The following MNAT1 variants were observed in gnomAD, a reference collection of about 807,000 sequenced individuals.
MNAT1 encodes MNAT1 component of CDK activating kinase, also known as CDK-activating kinase assembly factor MAT1.
MNAT1 carries 43 observed loss-of-function variants against 42.0 expected under a neutral mutation model. The observed-to-expected ratio is 1.02, with a 90% CI of 0.80 to 1.32. The LOEUF is 1.32. MNAT1 is among the 40% of genes most tolerant of loss of function. The pLI, the probability that MNAT1 is intolerant of heterozygous loss-of-function variation, is 0.00. For missense variants in MNAT1, 306 were observed against 350.4 expected, an observed-to-expected ratio of 0.87 and a Z score of 1.01; for synonymous variants, 118 against 120.0, an observed-to-expected ratio of 0.98 and a Z score of 0.11.
intron 1 of MNAT1, among the ~76,000 whole-genome samples, chr14:60,786,839 A>C (rs1186663695): frequency 6.6e-6 from 1 of 152,226 alleles, no homozygotes; most frequent in Non-Finnish European, 1.5e-5. Context: ...AGGGATAAGC[A>C]TTTTAATAAT....
intron 1 of MNAT1, among the ~76,000 whole-genome samples, chr14:60,759,714 C>T (rs972828221): frequency 6.6e-6 from 1 of 152,138 alleles, no homozygotes; most frequent in Admixed American, 6.5e-5. Context: ...CTATTTATTG[C>T]AGGTATACTG....
intron 3 of MNAT1, among the ~76,000 whole-genome samples, chr14:60,801,797 C>T (rs2032209682): frequency 6.6e-6 from 1 of 152,070 alleles, no homozygotes; most frequent in Non-Finnish European, 1.5e-5. Context: ...ACAGAACTAC[C>T]ATATGATCCA....
At chr14:60,890,141 C>G (rs1464685563) in intron 7 of MNAT1, among the ~76,000 whole-genome samples, 2 of 152,172 alleles carry the variant, frequency 1.3e-5, no homozygotes, top group Admixed American at 6.5e-5. Context: ...GCTATAAAGA[C>G]ACATGCACAC....
chr14:60,924,397 A>C (rs1458864514), intron 7 of MNAT1, among the ~76,000 whole-genome samples: 2 of 151,770 alleles, frequency 1.3e-5, no homozygotes, highest in South Asian at 2.1e-4. Context: ...AAAAAAAAAA[A>C]AAAAACTGTA....
chr14:60,790,415 A>T (rs1178646795), intron 1 of MNAT1, among the ~76,000 whole-genome samples: 2 of 152,114 alleles, frequency 1.3e-5, no homozygotes, highest in Non-Finnish European at 2.9e-5. Context: ...ACTGAGCCAG[A>T]CTAAATTGTG....
At chr14:60,746,779 G>A (rs1472312076) in intron 1 of MNAT1, among the ~76,000 whole-genome samples, 4 of 148,772 alleles carry the variant, frequency 2.7e-5, no homozygotes, top group African/African-American at 4.9e-5. Context: ...CTTACTGAGC[G>A]TAACTTATAG....
At chr14:60,869,100 A>G (rs1385444829) in intron 6 of MNAT1, among the ~76,000 whole-genome samples, 1 of 142,202 alleles carries the variant, frequency 7.0e-6, no homozygotes, top group Non-Finnish European at 1.5e-5. Context: ...GTGCAGTGGC[A>G]TGATCTCGGC....
rs2034304433 is a variant in MNAT1, at chr14:60,870,481, TCAGGAA to T, written c.688-9232_688-9227del. Among the ~76,000 whole-genome samples, 5 of 152,246 alleles carry T rather than the reference TCAGGAA, an allele frequency of 3.3e-5. 1 individual carries two copies. In the South Asian group the frequency reaches 1.0e-3, roughly 32 times the overall value. ...TAGTTTTGTGCCGTACTTTTCAAAG[TCAGGAA>T]AATGTACCTGAATTACTTAATGGTA... is the stretch of plus-strand genomic sequence containing the variant. On this transcript the variant is annotated intron_variant, in intron 6 of 7. Transcript: ENST00000261245.
intron 6 of MNAT1, among the ~76,000 whole-genome samples, chr14:60,826,307 ATTTT>A (rs60838198): frequency 5.8e-5 from 7 of 119,780 alleles, no homozygotes; most frequent in Admixed American, 9.0e-5. Flanking sequence ...AATAGGAGAA[ATTTT>A]TTTTTTTTTT....
intron 7 of MNAT1, among the ~76,000 whole-genome samples, chr14:60,896,428 C>T (rs1265583172): frequency 1.3e-5 from 2 of 152,126 alleles, no homozygotes; most frequent in Non-Finnish European, 2.9e-5. Flanking sequence ...TGATACAAAT[C>T]ATGAGCATTT....
At chr14:60,780,312 A>G in intron 1 of MNAT1, 2 of 1,537,548 alleles carry the variant, frequency 1.3e-6, no homozygotes. Flanking sequence ...ACTGCAAAAG[A>G]TGACAGTGCA....
intron 3 of MNAT1, among the ~76,000 whole-genome samples, chr14:60,800,546 C>A (rs575076249): frequency 1.3e-5 from 2 of 152,054 alleles, no homozygotes; most frequent in East Asian, 3.9e-4. Flanking sequence ...TCTCAAAAAA[C>A]CAGAAAACAG....
intron 7 of MNAT1, among the ~76,000 whole-genome samples, chr14:60,893,637 T>C (rs964255694): frequency 1.3e-5 from 2 of 152,176 alleles, no homozygotes; most frequent in Non-Finnish European, 2.9e-5. Context: ...CTCCAGTTCC[T>C]ATCAATGTAC....
intron 7 of MNAT1, among the ~76,000 whole-genome samples, chr14:60,894,688 G>T (rs924453928): frequency 6.6e-6 from 1 of 152,020 alleles, no homozygotes; most frequent in Non-Finnish European, 1.5e-5. Flanking sequence ...GTGTGTTTGT[G>T]TGTGTGTCTG....
At chr14:60,838,147 T>C (rs541621837) in intron 6 of MNAT1, among the ~76,000 whole-genome samples, 134 of 152,154 alleles carry the variant, frequency 8.8e-4, no homozygotes, top group African/African-American at 3.1e-3. Context: ...TTTTTTTTCT[T>C]TTTTTTAGGC....
intron 7 of MNAT1, among the ~76,000 whole-genome samples, chr14:60,953,701 G>A (rs181514220): frequency 3.9e-5 from 6 of 152,202 alleles, no homozygotes; most frequent in African/African-American, 9.6e-5. Context: ...AGGAACTTCC[G>A]TACTGTTTTC....
chr14:60,767,521 C>T (rs973908297), intron 1 of MNAT1, among the ~76,000 whole-genome samples: 1 of 151,992 alleles, frequency 6.6e-6, no homozygotes, highest in African/African-American at 2.4e-5. Flanking sequence ...GTAATTATAT[C>T]TGTGAGACCC....
chr14:60,808,000 A>G (rs1462036769), intron 3 of MNAT1, among the ~76,000 whole-genome samples: 2 of 152,126 alleles, frequency 1.3e-5, no homozygotes. Context: ...ATATTAAAAA[A>G]ATTTAAACAA....
chr14:60,778,301 T>C (rs979560507), intron 1 of MNAT1, among the ~76,000 whole-genome samples: 5 of 152,186 alleles, frequency 3.3e-5, no homozygotes, highest in Non-Finnish European at 5.9e-5. Context: ...ACAGTGTGTC[T>C]CTGTTATCAG....
Sources: gnomAD v4.1 joint callset for allele counts (sites outside exome capture counted in the v4.1 genomes callset) on GRCh38, gnomAD v4.1.1 for gene constraint, MANE v1.5 for transcripts, NCBI Gene and HGNC (gene_info 2026-07-23, HGNC 2026-07-21) for gene names.